Variants in RYR2 observed in about 807,000 individuals in gnomAD.
RYR2 encodes cardiac muscle ryanodine receptor-calcium release channel.
Under a neutral mutation model 601.1 loss-of-function variants are expected in RYR2, and 227 were observed. That is an observed-to-expected ratio of 0.38 (90% confidence interval 0.34 to 0.42). RYR2 has a LOEUF of 0.42. RYR2 is among the 10% of genes least tolerant of loss of function. The probability of loss-of-function intolerance (pLI) is 1.00; values close to 1 mark genes in which losing one functional copy is unlikely to be tolerated. For missense variants in RYR2, 4,646 were observed against 6,156.5 expected, an observed-to-expected ratio of 0.75 and a Z score of 8.21; for synonymous variants, 2,223 against 2,175.1, an observed-to-expected ratio of 1.02 and a Z score of -0.61.
chr1:237,416,417 T>C (rs1046448852), intron 10 of RYR2, among the ~76,000 whole-genome samples: 23 of 152,262 alleles, frequency 1.5e-4, no homozygotes, highest in African/African-American at 5.5e-4. Flanking sequence ...CTTAGCATTA[T>C]GTATGGCATA....
chr1:237,127,178 C>A (rs985795305), intron 1 of RYR2, among the ~76,000 whole-genome samples: 37 of 152,162 alleles, frequency 2.4e-4, no homozygotes, highest in Admixed American at 8.5e-4. Context: ...TCTCCCATGT[C>A]TACTTCTTTC....
chr1:237,264,622 T>C (rs1688857088), intron 1 of RYR2, among the ~76,000 whole-genome samples: 1 of 152,160 alleles, frequency 6.6e-6, no homozygotes, highest in Non-Finnish European at 1.5e-5. Context: ...CCCTTTTATA[T>C]ACCTGACATT....
At chr1:237,451,185 C>T (rs1031810820) in intron 14 of RYR2, among the ~76,000 whole-genome samples, 1 of 152,022 alleles carries the variant, frequency 6.6e-6, no homozygotes, top group Non-Finnish European at 1.5e-5. Context: ...TCACTTGAGG[C>T]CAGGAGTTTA....
At chr1:237,642,659 C>T (rs999546075) in intron 47 of RYR2, among the ~76,000 whole-genome samples, 3 of 152,154 alleles carry the variant, frequency 2.0e-5, no homozygotes, top group Non-Finnish European at 2.9e-5. Context: ...TTGAGTTTCA[C>T]GCCCTGTAAT....
intron 63 of RYR2, among the ~76,000 whole-genome samples, chr1:237,690,600 G>A (rs1366258777): frequency 6.6e-6 from 1 of 152,100 alleles, no homozygotes. Context: ...AGTGGCTCAC[G>A]CCTGGAATCC....
At chr1:237,225,356 A>C (rs1023137178) in intron 1 of RYR2, among the ~76,000 whole-genome samples, 4 of 152,160 alleles carry the variant, frequency 2.6e-5, no homozygotes, top group Non-Finnish European at 5.9e-5. Flanking sequence ...TATAAAGAAA[A>C]GGAGGTTTAA....
At chr1:237,789,530 ATAGGTCATGGCTGCAGGTATAGTTCT>A (rs1236264797) in intron 92 of RYR2, among the ~76,000 whole-genome samples, 18 of 123,968 alleles carry the variant, frequency 1.5e-4, no homozygotes, top group African/African-American at 4.4e-4. Flanking sequence ...TAGTTCTATT[ATAGGTCATGGCTGCAGGTATAGTTCT>A]ATTATAGGTC....
At chr1:237,394,705 A>G (rs975710089) in intron 10 of RYR2, among the ~76,000 whole-genome samples, 5 of 152,188 alleles carry the variant, frequency 3.3e-5, no homozygotes, top group African/African-American at 1.2e-4. Flanking sequence ...TAGCCCAGAC[A>G]TCTTTGGCAT....
At chr1:237,611,107 A>G (rs1677818465) in intron 36 of RYR2, 119 bp downstream of exon 36, 1 of 768,906 alleles carries the variant, frequency 1.3e-6, no homozygotes, top group South Asian at 2.0e-5. Flanking sequence ...TGAAATTTAC[A>G]AAGATCTAAA....
chr1:237,688,828 G>A (rs1573529118), intron 63 of RYR2, among the ~76,000 whole-genome samples: 1 of 152,146 alleles, frequency 6.6e-6, no homozygotes, highest in South Asian at 2.1e-4. Context: ...CCCTTTTGCG[G>A]TCTTATTAAT....
At chr1:237,622,204 T>A (rs946441901) in intron 38 of RYR2, among the ~76,000 whole-genome samples, 10 of 152,208 alleles carry the variant, frequency 6.6e-5, no homozygotes, top group Non-Finnish European at 1.5e-4. Context: ...CTCTTCCGAA[T>A]TTATAAATTT....
intron 25 of RYR2, among the ~76,000 whole-genome samples, chr1:237,542,672 T>C (rs2148042049): frequency 6.6e-6 from 1 of 152,274 alleles, no homozygotes; most frequent in East Asian, 1.9e-4. Flanking sequence ...CATCCGGGCC[T>C]CTTTAGGAGT....
At chr1:237,214,664 A>G (rs187123390) in intron 1 of RYR2, among the ~76,000 whole-genome samples, 1 of 152,208 alleles carries the variant, frequency 6.6e-6, no homozygotes, top group Non-Finnish European at 1.5e-5. Context: ...CAAATATCCT[A>G]ACTATATCAT....
intron 1 of RYR2, among the ~76,000 whole-genome samples, chr1:237,081,283 A>AT (rs1299596120): frequency 7.0e-6 from 1 of 142,172 alleles, no homozygotes; most frequent in African/African-American, 2.7e-5. Flanking sequence ...AGTATAATAA[A>AT]AAAAAAAAAA....
Position 237,365,129 on chromosome 1 carries a change from A to AT in RYR2, c.309+764dup, listed in dbSNP as rs1003557055. ...TCTCCTATAACATTTATGGGGTTTA[A>AT]TTTTTTTATCTTAAAAGCCAAGAAA... On this transcript the variant is annotated intron_variant, in intron 5 of 104. Transcript: ENST00000366574. Among the ~76,000 whole-genome samples, 20 of 152,208 alleles carry AT rather than the reference A, an allele frequency of 1.3e-4. No individual in the cohort carries two copies. The East Asian group carries it at 1.4e-3, about 10-fold the overall frequency.
chr1:237,194,595 A>G (rs1239239730), intron 1 of RYR2, among the ~76,000 whole-genome samples: 1 of 152,128 alleles, frequency 6.6e-6, no homozygotes, highest in Non-Finnish European at 1.5e-5. Context: ...ACTGACCACC[A>G]ATATAGACAC....
chr1:237,766,737 T>A (rs1016140956), intron 84 of RYR2, among the ~76,000 whole-genome samples: 2 of 152,020 alleles, frequency 1.3e-5, no homozygotes, highest in Non-Finnish European at 2.9e-5. Context: ...GCAAAGGGAT[T>A]TTTTTTCCGC....
chr1:237,578,075 G>T (rs1673464987), intron 29 of RYR2, among the ~76,000 whole-genome samples: 1 of 152,142 alleles, frequency 6.6e-6, no homozygotes, highest in Non-Finnish European at 1.5e-5. Context: ...CTCCCAAAGT[G>T]CTGGGATTAC....
At chr1:237,116,105 T>C (rs527298322) in intron 1 of RYR2, among the ~76,000 whole-genome samples, 1 of 152,354 alleles carries the variant, frequency 6.6e-6, no homozygotes, top group East Asian at 1.9e-4. Context: ...TGTAATTCTT[T>C]CTGAGTGGCT....
Sources: allele counts gnomAD v4.1 joint callset (sites outside exome capture counted in the v4.1 genomes callset), GRCh38; gene constraint gnomAD v4.1.1; transcripts MANE v1.5; gene names NCBI Gene and HGNC (gene_info 2026-07-23, HGNC 2026-07-21).